Variants in NCOA1 observed in about 807,000 individuals in gnomAD.
The protein encoded by NCOA1 is Hin-2 protein.
In NCOA1, 35 loss-of-function variants were observed where a neutral mutation model predicts 150.9. That is an observed-to-expected ratio of 0.23 (90% CI 0.18 to 0.31). The LOEUF (loss-of-function observed/expected upper bound fraction) is 0.31, where lower values mean the gene tolerates loss of function less well. NCOA1 is among the 10% of genes least tolerant of loss of function. The pLI, the probability that NCOA1 is intolerant of heterozygous loss-of-function variation, is 1.00. For synonymous variants in NCOA1, 590 were observed against 630.0 expected, an observed-to-expected ratio of 0.94 and a Z score of 0.95; for missense variants, 1,491 against 1,749.3, an observed-to-expected ratio of 0.85 and a Z score of 2.63.
chr2:24,711,726 A>G (rs1673758235), intron 14 of NCOA1, among the ~76,000 whole-genome samples: 1 of 152,234 alleles, frequency 6.6e-6, no homozygotes, highest in African/African-American at 2.4e-5. Context: ...TTCTAACCCA[A>G]GTTAGCATTT....
chr2:24,668,215 A>G (rs532350884), intron 6 of NCOA1, among the ~76,000 whole-genome samples: 1 of 152,324 alleles, frequency 6.6e-6, no homozygotes, highest in African/African-American at 2.4e-5. Context: ...GATTAATCCC[A>G]GAAAAAGAGA....
intron 19 of NCOA1, among the ~76,000 whole-genome samples, chr2:24,747,692 GTTTTTC>G (rs1664006541): frequency 6.6e-6 from 1 of 152,010 alleles, no homozygotes; most frequent in Non-Finnish European, 1.5e-5. Flanking sequence ...TAATACAAGA[GTTTTTC>G]TTTTAAGGAT....
At chr2:24,651,316 G>T (rs1310595620) in intron 4 of NCOA1, among the ~76,000 whole-genome samples, 1 of 151,948 alleles carries the variant, frequency 6.6e-6, no homozygotes, top group African/African-American at 2.4e-5. Context: ...TTGCTCAGTG[G>T]ACAAATAGAT....
At chr2:24,718,753 C>T (rs893266949) in intron 14 of NCOA1, among the ~76,000 whole-genome samples, 12 of 149,884 alleles carry the variant, frequency 8.0e-5, no homozygotes, top group Admixed American at 2.7e-4. Flanking sequence ...ATCAGCCGGG[C>T]GGCTACTCAG....
chr2:24,704,644 G>A (rs921088424), intron 11 of NCOA1, among the ~76,000 whole-genome samples: 1 of 151,992 alleles, frequency 6.6e-6, no homozygotes, highest in East Asian at 2.0e-4. Context: ...ATGGTGGTGG[G>A]TGCCTGTAGT....
At chr2:24,606,827 G>GA (rs1350840953) in intron 3 of NCOA1, among the ~76,000 whole-genome samples, 1 of 152,056 alleles carries the variant, frequency 6.6e-6, no homozygotes, top group Non-Finnish European at 1.5e-5. Flanking sequence ...TTAGTTATTT[G>GA]AAAAAATCAT....
chr2:24,645,787 T>A (rs57662585), intron 4 of NCOA1, among the ~76,000 whole-genome samples: 6,449 of 152,254 alleles, frequency 0.042, 209 homozygotes, highest in African/African-American at 0.092. Flanking sequence ...CTTGGGATGC[T>A]CAACCTGTAT....
chr2:24,627,820 T>G (rs1339623652), intron 3 of NCOA1, among the ~76,000 whole-genome samples: 4 of 152,228 alleles, frequency 2.6e-5, no homozygotes, highest in African/African-American at 4.8e-5. Context: ...AGTGTGGATT[T>G]TCTCTGACAT....
At chr2:24,510,340 C>T (rs997254390) in intron 1 of NCOA1, among the ~76,000 whole-genome samples, 9 of 152,174 alleles carry the variant, frequency 5.9e-5, no homozygotes, top group Non-Finnish European at 7.3e-5. Context: ...AGCCACCACG[C>T]CCGGCTGCAC....
At chr2:24,516,766 C>T (rs1664186734) in intron 1 of NCOA1, among the ~76,000 whole-genome samples, 1 of 148,364 alleles carries the variant, frequency 6.7e-6, no homozygotes, top group African/African-American at 2.5e-5. Flanking sequence ...ACTCCCATTG[C>T]TGTGAAGTTG....
rs1669618292 is a variant in NCOA1, at chr2:24,629,840, A to ATC, written c.-174-14125_-174-14124insCT. On this transcript the variant is annotated intron_variant, in intron 3 of 22. Transcript: ENST00000348332. ...TACATATATATATATATATATATATATATATATGTATTTTTTTTTTTGAGA... is the reference window on the plus strand; with the variant it reads ...TACATATATATATATATATATATATATCTATATATGTATTTTTTTTTTTGAGA... 3.7e-5 allele frequency among the ~76,000 whole-genome samples: 5 copies of ATC among 136,662 alleles called. No homozygotes were observed. In the South Asian group the frequency reaches 1.1e-3, roughly 30 times the overall value. The allele number at this position is 136,662 out of a possible 152,430, so 89.7% of individuals were successfully genotyped here.
At chr2:24,767,319 G>C (rs1665115736) in intron 22 of NCOA1, among the ~76,000 whole-genome samples, 1 of 152,152 alleles carries the variant, frequency 6.6e-6, no homozygotes, top group South Asian at 2.1e-4. Flanking sequence ...GAGACACTTA[G>C]ATGCACTTAG....
intron 2 of NCOA1, among the ~76,000 whole-genome samples, chr2:24,570,357 C>G (rs1039629570): frequency 6.6e-6 from 1 of 152,202 alleles, no homozygotes; most frequent in East Asian, 1.9e-4. Context: ...TGAATGGGCT[C>G]TGGTTGGCCA....
chr2:24,708,042 G>C lies in NCOA1; in HGVS notation c.2418+154G>C, dbSNP rs527257951. Among the ~76,000 whole-genome samples the C allele has an allele frequency of 2.0e-3, 307 of 152,174 alleles. 2 individuals carry two copies. Among genetic ancestry groups the C allele is most frequent in the African/African-American group, 7.0e-3 (290 of 41,498 alleles). On this transcript the variant is annotated intron_variant, in intron 13 of 22. Transcript: ENST00000348332. Reference sequence around the variant, plus strand: ...GGTTAGTATCAATAACTGATCACAGGATGCCCTCAGAAGTTTTCTTTAGAA... The same window carrying C: ...GGTTAGTATCAATAACTGATCACAGCATGCCCTCAGAAGTTTTCTTTAGAA...
At chr2:24,533,706 T>C (rs1469728175) in intron 1 of NCOA1, among the ~76,000 whole-genome samples, 4 of 151,566 alleles carry the variant, frequency 2.6e-5, no homozygotes. Flanking sequence ...TGAGATAATG[T>C]GGTTTTTGTC....
chr2:24,695,808 C>A (rs528247974), intron 10 of NCOA1, among the ~76,000 whole-genome samples: 5 of 152,308 alleles, frequency 3.3e-5, no homozygotes, highest in East Asian at 3.9e-4. Flanking sequence ...TATTACCCAT[C>A]TGGTACCATT....
intron 20 of NCOA1, among the ~76,000 whole-genome samples, chr2:24,753,396 G>A (rs1217245178): frequency 6.6e-6 from 1 of 150,974 alleles, no homozygotes; most frequent in Non-Finnish European, 1.5e-5. Flanking sequence ...ATGCTGACAT[G>A]TCTCAATAAC....
At chr2:24,730,212 G>C (rs184045210) in intron 17 of NCOA1, among the ~76,000 whole-genome samples, 1 of 152,244 alleles carries the variant, frequency 6.6e-6, no homozygotes, top group Non-Finnish European at 1.5e-5. Context: ...TACAATAAAA[G>C]TGTCAAGTCC....
intron 21 of NCOA1, among the ~76,000 whole-genome samples, chr2:24,761,661 G>T (rs933530999): frequency 8.6e-5 from 13 of 151,990 alleles, no homozygotes; most frequent in Admixed American, 4.6e-4. Context: ...TGCATGCCTG[G>T]TAATTTTTTA....
Sources: gnomAD v4.1 joint callset for allele counts (sites outside exome capture counted in the v4.1 genomes callset) on GRCh38, gnomAD v4.1.1 for gene constraint, MANE v1.5 for transcripts, NCBI Gene and HGNC (gene_info 2026-07-23, HGNC 2026-07-21) for gene names.